CELF2: variants seen among roughly 807,000 people sequenced by gnomAD.
CELF2 encodes the protein CUG triplet repeat RNA-binding protein 2.
CELF2 carries 8 observed loss-of-function variants against 62.6 expected under a neutral mutation model. The ratio of observed to expected loss-of-function variants is 0.13; its 90% CI spans 0.07 to 0.23. The LOEUF (loss-of-function observed/expected upper bound fraction) is 0.23, where lower values mean the gene tolerates loss of function less well. CELF2 is among the 10% of genes least tolerant of loss of function. The probability of loss-of-function intolerance (pLI) is 1.00; values close to 1 mark genes in which losing one functional copy is unlikely to be tolerated. For missense variants in CELF2, 333 were observed against 671.0 expected, an observed-to-expected ratio of 0.50 and a Z score of 5.56; for synonymous variants, 258 against 250.0, an observed-to-expected ratio of 1.03 and a Z score of -0.30.
chr10:10,840,756 G>A (rs1045556024), intron 1 of CELF2, among the ~76,000 whole-genome samples: 2 of 152,070 alleles, frequency 1.3e-5, no homozygotes, highest in Non-Finnish European at 2.9e-5. Context: ...CATGTGCCAT[G>A]GTGGTTTGCT....
chr10:10,994,444 A>T (rs2053744024), intron 2 of CELF2, among the ~76,000 whole-genome samples: 1 of 152,210 alleles, frequency 6.6e-6, no homozygotes, highest in South Asian at 2.1e-4. Context: ...CTGATTTACA[A>T]CAGGGGTCCC....
Position 11,285,878 on chromosome 10 carries a change from T to TGTGTGTGTGTGTG in CELF2, c.842-2540_842-2539insGTGTGTGTGTGTG, listed in dbSNP as rs1491346882. On this transcript the variant is annotated intron_variant, in intron 8 of 12. Transcript: ENST00000633077. This position sits in a 1 kb window ranked among gnomAD's most constrained non-coding sequence, Gnocchi z 4.3. ...GTGTGTGTGTGTGTGTGTGTGTGTGTTTTTACATGGACTTGAAAATGAGTA... is the reference window on the plus strand; with the variant it reads ...GTGTGTGTGTGTGTGTGTGTGTGTGTGTGTGTGTGTGTGTTTTACATGGACTTGAAAATGAGTA... 6.7e-5 allele frequency among the ~76,000 whole-genome samples: 7 copies of TGTGTGTGTGTGTG among 105,090 alleles called. No individual in the cohort carries two copies. Among genetic ancestry groups the TGTGTGTGTGTGTG allele is most frequent in the East Asian group, 5.1e-4 (2 of 3,892 alleles). The allele number at this position is 105,090 out of a possible 152,430, so 68.9% of individuals were successfully genotyped here.
At chr10:11,049,107 A>G (rs796692792) in intron 1 of CELF2, among the ~76,000 whole-genome samples, 2 of 144,632 alleles carry the variant, frequency 1.4e-5, no homozygotes, top group African/African-American at 5.4e-5. Flanking sequence ...TGTAACCTTG[A>G]ACAAACTGTT....
the CELF2 span, among the ~76,000 whole-genome samples, chr10:10,483,620 T>C: frequency 6.6e-6 from 1 of 152,138 alleles, no homozygotes; most frequent in African/African-American, 2.4e-5. Flanking sequence ...TAGTTTTGCT[T>C]AACCTTAATT....
intron 8 of CELF2, among the ~76,000 whole-genome samples, chr10:11,276,662 GGGCTTTCCTTAGAGGTGGCCTCA>G (rs1361900956): frequency 1.3e-5 from 2 of 152,176 alleles, no homozygotes; most frequent in Non-Finnish European, 2.9e-5. Flanking sequence ...CTGAAATTAG[GGGCTTTCCTTAGAGGTGGCCTCA>G]GGCTTTCCTA....
the CELF2 span, among the ~76,000 whole-genome samples, chr10:10,699,122 T>C: frequency 5.4e-3 from 827 of 152,276 alleles, 8 homozygotes; most frequent in African/African-American, 0.019. Context: ...CAGAATTTTT[T>C]TGAGGAACAA....
At chr10:11,287,910 C>T (rs1258344610) in intron 8 of CELF2, among the ~76,000 whole-genome samples, 1 of 152,234 alleles carries the variant, frequency 6.6e-6, no homozygotes, top group Admixed American at 6.5e-5. Flanking sequence ...AGTTCAGCTT[C>T]CAGTAAAATG....
At chr10:10,783,613 G>C in the CELF2 span, among the ~76,000 whole-genome samples, 1 of 152,224 alleles carries the variant, frequency 6.6e-6, no homozygotes, top group Non-Finnish European at 1.5e-5. Context: ...ATTTCCAGAA[G>C]AACTGAATGC....
chr10:10,961,434 C>T (rs751260544), intron 2 of CELF2, among the ~76,000 whole-genome samples: 9 of 152,104 alleles, frequency 5.9e-5, no homozygotes, highest in Non-Finnish European at 7.3e-5. Context: ...CTCAGTAACA[C>T]GGAAGATTTT....
At chr10:10,974,295 A>G (rs1383962357) in intron 2 of CELF2, among the ~76,000 whole-genome samples, 1 of 152,236 alleles carries the variant, frequency 6.6e-6, no homozygotes, top group Non-Finnish European at 1.5e-5. Context: ...ATCAACATAT[A>G]TAAAAGATAC....
the CELF2 span, among the ~76,000 whole-genome samples, chr10:10,547,255 C>T: frequency 6.6e-6 from 1 of 152,128 alleles, no homozygotes; most frequent in Non-Finnish European, 1.5e-5. Flanking sequence ...CACTATTGTG[C>T]CCAAGCTGCA....
At chr10:11,106,213 T>TTATG (rs1554839873) in intron 1 of CELF2, among the ~76,000 whole-genome samples, 1 of 98,536 alleles carries the variant, frequency 1.0e-5, no homozygotes, top group African/African-American at 3.3e-5. Flanking sequence ...TTTATTTTAT[T>TTATG]TATTTATTTA....
chr10:10,735,767 G>C, the CELF2 span, among the ~76,000 whole-genome samples: 1 of 152,108 alleles, frequency 6.6e-6, no homozygotes, highest in Admixed American at 6.6e-5. Flanking sequence ...CATCTTCCTA[G>C]GATATTTAAT....
At chr10:10,653,085 G>C in the CELF2 span, among the ~76,000 whole-genome samples, 1 of 152,102 alleles carries the variant, frequency 6.6e-6, no homozygotes, top group Non-Finnish European at 1.5e-5. Flanking sequence ...TGATAAAGCA[G>C]ACTTTAAACC....
intron 1 of CELF2, among the ~76,000 whole-genome samples, chr10:10,884,846 A>G (rs548783555): frequency 2.0e-5 from 3 of 152,310 alleles, no homozygotes; most frequent in African/African-American, 7.2e-5. Context: ...TTGAGTGATT[A>G]TTCTGTGTAC....
At chr10:10,816,049 A>G (rs1207032245) in intron 1 of CELF2, among the ~76,000 whole-genome samples, 1 of 151,982 alleles carries the variant, frequency 6.6e-6, no homozygotes, top group East Asian at 1.9e-4. Context: ...TAGACCTTTT[A>G]CTTTTATTGA....
At chr10:10,463,954 T>G in the CELF2 span, among the ~76,000 whole-genome samples, 2 of 111,504 alleles carry the variant, frequency 1.8e-5, no homozygotes, top group South Asian at 3.2e-4. Flanking sequence ...TTAAAACCTT[T>G]TTCTAAAAAA....
rs967629228 is a variant in CELF2 at position 11,330,564 on chromosome 10, C to A, written c.*1511C>A. ...TTCTGATGTCTTTCTGACCTCACAT[C>A]ATATTTGGTTCTCCTACTGACCTTT... On this transcript the variant is annotated 3_prime_UTR_variant, in exon 13 of 13. Transcript: ENST00000633077. The surrounding 1 kb of genome is among the most constrained non-coding windows in gnomAD (Gnocchi z 4.5). The A allele has an allele frequency of 2.0e-5, 3 of 152,522 alleles. No homozygotes were observed. The highest frequency in any genetic ancestry group is 4.4e-5 in the Non-Finnish European group (3 of 68,024). 9.4% of individuals were successfully genotyped at this position (152,522 alleles called of 1,614,324 possible). A position where few individuals can be genotyped will look rare whatever the true frequency, so the allele number is the denominator to read the frequency against.
chr10:11,274,124 T>G (rs1181907969), intron 7 of CELF2, among the ~76,000 whole-genome samples: 2 of 152,196 alleles, frequency 1.3e-5, no homozygotes, highest in Non-Finnish European at 2.9e-5. Context: ...ATGTGGTAAA[T>G]CTGTGTTTCT....
Sources: allele counts gnomAD v4.1 joint callset (sites outside exome capture counted in the v4.1 genomes callset), GRCh38; gene constraint gnomAD v4.1.1; non-coding constraint Gnocchi (gnomAD v3.1); transcripts MANE v1.5; gene names NCBI Gene and HGNC (gene_info 2026-07-23, HGNC 2026-07-21).